TTC39A: variants seen among roughly 807,000 people sequenced by gnomAD.
TTC39A encodes tetratricopeptide repeat protein 39A.
Under a neutral mutation model 82.3 loss-of-function variants are expected in TTC39A, and 46 were observed. The observed-to-expected ratio is 0.56, with a 90% CI of 0.44 to 0.71. The LOEUF is 0.71. TTC39A is among the 30% of genes least tolerant of loss of function. The probability of loss-of-function intolerance (pLI) is 0.00; values close to 1 mark genes in which losing one functional copy is unlikely to be tolerated. For synonymous variants in TTC39A, 254 were observed against 275.2 expected (o/e 0.92, Z 0.76); for missense variants, 543 against 712.9 (o/e 0.76, Z 2.71).
intron 1 of TTC39A, chr1:51,343,110 A>G (rs1163665331): frequency 2.2e-6 from 1 of 455,470 alleles, no homozygotes; most frequent in Non-Finnish European, 4.4e-6. Flanking sequence ...TGGCCAAGTG[A>G]TCTCGTGCTC....
upstream of TTC39A, chr1:51,330,959 G>A (rs1645896924): frequency 3.1e-6 from 2 of 644,964 alleles, no homozygotes; most frequent in Admixed American, 2.2e-5. The surrounding 1 kb of genome is among the most constrained non-coding windows in gnomAD (Gnocchi z 4.5). Context: ...AGCCCCCAGA[G>A]TCAGGCCTGG....
chr1:51,288,285 A>G lies in TTC39A; in HGVS notation c.1611-5T>C. ...GAGTAATTCTTGTAGTTTTGCCTGG[A>G]ATTGAGCAGCGAATCAGACACATGA... On this transcript the variant is annotated splice_region_variant and splice_polypyrimidine_tract_variant and intron_variant, in intron 17 of 17. Coordinates refer to ENST00000680483, the MANE Select transcript of TTC39A (RefSeq NM_001297663.2). This position sits in a 1 kb window ranked among gnomAD's most constrained non-coding sequence, Gnocchi z 4.8. 1 of 1,613,958 alleles carries G rather than the reference A, an allele frequency of 6.2e-7. No homozygotes were observed. The highest frequency in any genetic ancestry group is 8.5e-7 in the Non-Finnish European group (1 of 1,179,872).
chr1:51,322,065 G>A, intron 1 of TTC39A: 1 of 1,539,974 alleles, frequency 6.5e-7, no homozygotes, highest in Non-Finnish European at 8.8e-7. Flanking sequence ...GTTGGAGGTG[G>A]GGGAGGGGCC....
chr1:51,330,306 G>C lies in TTC39A; in HGVS notation c.41+131C>G, dbSNP rs1645860690. The C allele has an allele frequency of 1.1e-6, 1 of 925,856 alleles. No homozygotes were observed. Among genetic ancestry groups the C allele is most frequent in the Admixed American group, 6.2e-5 (1 of 16,112 alleles). 57.4% of individuals were successfully genotyped at this position (925,856 alleles called of 1,614,324 possible). ...CGGCGGCGGCTGCCAGGGGCCGGGC[G>C]GGGTGGGGGCTGGAAGCCGCAGTGC... On this transcript the variant is annotated intron_variant, in intron 1 of 17. Coordinates refer to ENST00000680483, the MANE Select transcript of TTC39A (RefSeq NM_001297663.2). This position sits in a 1 kb window ranked among gnomAD's most constrained non-coding sequence, Gnocchi z 4.5.
At position 51,297,675 on chromosome 1, in the gene TTC39A, C is replaced by T. The variant is rs74080521; in HGVS notation, c.1054-1505G>A. 1,251 of 152,612 alleles carry T rather than the reference C, an allele frequency of 8.2e-3. 15 individuals are homozygous for T. Among genetic ancestry groups the T allele is most frequent in the African/African-American group, 0.029 (1,204 of 41,568 alleles). 9.5% of individuals were successfully genotyped at this position (152,612 alleles called of 1,614,324 possible). ...TCTCATTATCGGACTGCCACCATCT[C>T]CACACCGTCTCCCTGTTCCAGGCTA... On this transcript the variant is annotated intron_variant, in intron 12 of 17. Coordinates refer to ENST00000680483, the MANE Select transcript of TTC39A (RefSeq NM_001297663.2).
At chr1:51,323,500 C>G (rs1478035901) in intron 1 of TTC39A, among the ~76,000 whole-genome samples, 1 of 152,124 alleles carries the variant, frequency 6.6e-6, no homozygotes, top group Non-Finnish European at 1.5e-5. Flanking sequence ...GGAACACTCT[C>G]CATTCCACTC....
At chr1:51,320,069 G>A (rs1475143095) in intron 2 of TTC39A, among the ~76,000 whole-genome samples, 5 of 152,124 alleles carry the variant, frequency 3.3e-5, no homozygotes, top group Non-Finnish European at 7.4e-5. Flanking sequence ...AAAGAAACAG[G>A]AGAAAAGCAA....
intron 1 of TTC39A, among the ~76,000 whole-genome samples, chr1:51,325,582 C>T (rs1645684724): frequency 6.6e-6 from 1 of 152,188 alleles, no homozygotes; most frequent in East Asian, 1.9e-4. Flanking sequence ...ACACCTATTG[C>T]AGATGGGGAA....
At chr1:51,296,547 C>T (rs1237633372) in intron 12 of TTC39A, among the ~76,000 whole-genome samples, 1 of 152,230 alleles carries the variant, frequency 6.6e-6, no homozygotes, top group Non-Finnish European at 1.5e-5. Flanking sequence ...ACAGGCCTTC[C>T]AGCCAGGAGG....
intron 16 of TTC39A, among the ~76,000 whole-genome samples, chr1:51,289,242 C>A (rs868473966): frequency 6.6e-6 from 1 of 152,232 alleles, no homozygotes; most frequent in Non-Finnish European, 1.5e-5. Context: ...GATCTACCCT[C>A]TCTGACCCGA....
intron 1 of TTC39A, among the ~76,000 whole-genome samples, chr1:51,323,744 T>G (rs1645611765): frequency 6.6e-6 from 1 of 152,222 alleles, no homozygotes; most frequent in Non-Finnish European, 1.5e-5. Flanking sequence ...TTTTCAAATC[T>G]TAGTTATTTG....
intron 2 of TTC39A, among the ~76,000 whole-genome samples, chr1:51,319,639 G>GA (rs760092648): frequency 4.1e-4 from 62 of 151,002 alleles, no homozygotes; most frequent in Non-Finnish European, 5.8e-4. Context: ...AATTCTTAGG[G>GA]AAAAAAATAT....
At chr1:51,322,161 TTGGGCTCTGCTGCCCCCCCA>T in intron 1 of TTC39A, 1 of 1,550,394 alleles carries the variant, frequency 6.4e-7, no homozygotes, top group Non-Finnish European at 8.7e-7. Flanking sequence ...TTCTGGCCCA[TTGGGCTCTGCTGCCCCCCCA>T]GGGGGTGCAG....
rs72906154 is a variant in TTC39A, at chr1:51,307,139, A to G, written c.489-1063T>C. Among the ~76,000 whole-genome samples, 1,314 of 152,316 alleles carry G rather than the reference A, an allele frequency of 8.6e-3. 18 individuals are homozygous for G. Among genetic ancestry groups the G allele is most frequent in the African/African-American group, 0.031 (1,273 of 41,588 alleles). ...AGTGGGAGATGTGGCAAGAAGGGCC[A>G]GGGTGACCTCCCAGGAAGAACTTGG... On this transcript the variant is annotated intron_variant, in intron 6 of 17. Transcript: ENST00000680483.
chr1:51,342,176 T>A (rs1646045607), intron 1 of TTC39A, among the ~76,000 whole-genome samples: 1 of 152,154 alleles, frequency 6.6e-6, no homozygotes, highest in African/African-American at 2.4e-5. Flanking sequence ...CGGTCCCCAT[T>A]GTAAGATGCA....
chr1:51,305,925 G>A, intron 7 of TTC39A, 52 bp downstream of exon 7: 2 of 1,560,652 alleles, frequency 1.3e-6, no homozygotes, highest in East Asian at 2.2e-5. Context: ...AGGGACAGAA[G>A]GGGAGACTGA....
rs1389214972 is a variant in TTC39A at position 51,344,889 on chromosome 1, C to T, written c.53+102G>A. ...CGCCCAGCAGCCACACACCCTTTCC[C>T]CAGCTGTGCCTCTCAGCTGTTTCCC... is the stretch of plus-strand genomic sequence containing the variant. On this transcript the variant is annotated intron_variant, in intron 1 of 5. Transcript: ENST00000401051. The T allele has an allele frequency of 2.9e-6, 4 of 1,398,232 alleles. No homozygotes were observed. In the African/African-American group the frequency reaches 4.5e-5, roughly 16 times the overall value. The allele number at this position is 1,398,232 out of a possible 1,614,324, so 86.6% of individuals were successfully genotyped here. A position where few individuals can be genotyped will look rare whatever the true frequency, so the allele number is the denominator to read the frequency against.
At chr1:51,289,184 C>T (rs1644106552) in intron 16 of TTC39A, among the ~76,000 whole-genome samples, 1 of 152,162 alleles carries the variant, frequency 6.6e-6, no homozygotes, top group Admixed American at 6.5e-5. Flanking sequence ...CCCGACCTCC[C>T]TTTCTCCAGG....
chr1:51,338,193 T>A (rs147848699), intron 1 of TTC39A, among the ~76,000 whole-genome samples: 16 of 152,352 alleles, frequency 1.1e-4, no homozygotes, highest in African/African-American at 3.8e-4. Context: ...GAAGAGATAC[T>A]GAAGCCATTT....
Sources: allele counts gnomAD v4.1 joint callset (sites outside exome capture counted in the v4.1 genomes callset), GRCh38; gene constraint gnomAD v4.1.1; non-coding constraint Gnocchi (gnomAD v3.1); transcripts MANE v1.5; gene names NCBI Gene and HGNC (gene_info 2026-07-23, HGNC 2026-07-21).